SNED1: variants seen among roughly 807,000 people sequenced by gnomAD.
SNED1 encodes sushi, nidogen and EGF-like domain-containing protein 1.
A neutral mutation model predicts 166.7 loss-of-function variants in SNED1; 81 were observed. That is an observed-to-expected ratio of 0.49 (90% CI 0.41 to 0.58). SNED1 has a LOEUF of 0.58. SNED1 is among the 20% of genes least tolerant of loss of function. The probability of loss-of-function intolerance (pLI) is 0.00; values close to 1 mark genes in which losing one functional copy is unlikely to be tolerated. For missense variants in SNED1, 1,604 were observed against 2,000.2 expected (o/e 0.80, Z 3.78); for synonymous variants, 762 against 822.0 (o/e 0.93, Z 1.25).
chr2:241,092,218 C>A lies in SNED1; in HGVS notation c.*582C>A, dbSNP rs933399205. The A allele has an allele frequency of 6.6e-6, 1 of 152,152 alleles. No individual in the cohort carries two copies. Among genetic ancestry groups the A allele is most frequent in the Non-Finnish European group, 1.5e-5 (1 of 68,048 alleles). 9.4% of individuals were successfully genotyped at this position (152,152 alleles called of 1,614,324 possible). ...TGTTTATGACGCTCGTGCAGGTCGA[C>A]GAGCCATCCTATGGACTAGTTAACA... On this transcript the variant is annotated 3_prime_UTR_variant, in exon 32 of 32. Coordinates refer to ENST00000310397, the MANE Select transcript of SNED1 (RefSeq NM_001080437.3). The surrounding 1 kb of genome is among the most constrained non-coding windows in gnomAD (Gnocchi z 4.6).
intron 6 of SNED1, 59 bp from the exon 7 acceptor site, chr2:241,040,016 G>T: frequency 7.5e-7 from 1 of 1,342,006 alleles, no homozygotes. Context: ...AGGGGTTTCT[G>T]TCCCCTCAGG....
At chr2:241,006,916 G>A (rs1239617564) in intron 1 of SNED1, among the ~76,000 whole-genome samples, 2 of 152,234 alleles carry the variant, frequency 1.3e-5, no homozygotes, top group Admixed American at 6.5e-5. Flanking sequence ...GAAGGATGGA[G>A]ATGGATCAAA....
At position 241,087,402 on chromosome 2, in the gene SNED1, G is replaced by C; in HGVS notation, c.4132G>C (p.Val1378Leu). Residue 1378 changes from valine to leucine, a missense_variant, in exon 30 of 32, where the codon GTC becomes CTC. Physicochemically the swap from Val to Leu is conservative, Grantham distance 32 (BLOSUM62 1). Transcript: ENST00000310397. ...TTCTTGTGACAACAGGTATAAAAGA[G>C]TCTACCGAGTTCACCAAGACATCTG... Reference protein sequence around the residue: ...GGVCHHVYKRVYRVHQDICFK... With the variant: ...GGVCHHVYKRLYRVHQDICFK... The C allele has an allele frequency of 6.3e-7, 1 of 1,599,396 alleles. No homozygotes were observed. Among genetic ancestry groups the C allele is most frequent in the Non-Finnish European group, 8.5e-7 (1 of 1,172,988 alleles).
Position 241,040,371 on chromosome 2 carries a change from T to C in SNED1, c.1231T>C (p.Cys411Arg). 6.2e-7 allele frequency: 1 copy of C among 1,607,922 alleles called. No individual in the cohort carries two copies. The highest frequency in any genetic ancestry group is 8.5e-7 in the Non-Finnish European group (1 of 1,177,234). The part of the protein sequence containing the change: ...SCVDLVGNYT[C>R]LCAEPFKGLR... ...TGTTGACCTAGTGGGGAATTACACCTGCTTGTGTGCCGAGCCCTTCAAGGG... is the reference window on the plus strand; with the variant it reads ...TGTTGACCTAGTGGGGAATTACACCCGCTTGTGTGCCGAGCCCTTCAAGGG... Residue 411 changes from cysteine (C) to arginine (R), a missense_variant, in exon 8 of 32, where the codon TGC (cysteine) becomes CGC (arginine). Cys to Arg is a radical substitution (Grantham distance 180, BLOSUM62 -3). This residue lies in a region of SNED1 where 1,237 missense variants were observed against 1,620.8 expected (regional missense o/e 0.76). Transcript: ENST00000310397.
Position 240,998,816 on chromosome 2 carries a change from G to C in SNED1, c.-22G>C. 1 of 1,165,216 alleles carries C rather than the reference G, an allele frequency of 8.6e-7. No homozygotes were observed. Among genetic ancestry groups the C allele is most frequent in the Non-Finnish European group, 1.1e-6 (1 of 944,444 alleles). 72.2% of individuals were successfully genotyped at this position (1,165,216 alleles called of 1,614,324 possible). A position where few individuals can be genotyped will look rare whatever the true frequency, so the allele number is the denominator to read the frequency against. On this transcript the variant is annotated 5_prime_UTR_variant, in exon 1 of 32. Transcript: ENST00000310397. ...CAGCGCCCTGCTCCGCCAGCGCCCC[G>C]TCCCGCCCGCACACCTCCGCGATGC...
At chr2:241,011,549 C>T (rs527960086) in intron 1 of SNED1, among the ~76,000 whole-genome samples, 5 of 152,340 alleles carry the variant, frequency 3.3e-5, no homozygotes, top group East Asian at 1.9e-4. Context: ...TGAACAGGGG[C>T]GTCGGCTGGG....
chr2:241,054,127 GGATTTCAAGCCCCAGGT>G (rs2061967854), intron 16 of SNED1, among the ~76,000 whole-genome samples: 1 of 94,066 alleles, frequency 1.1e-5, no homozygotes, highest in South Asian at 3.7e-4. Flanking sequence ...TTTCCTTCTG[GGATTTCAAGCCCCAGGT>G]GAGCTCCTGA....
chr2:241,083,331 A>G (rs2063421285), intron 29 of SNED1, among the ~76,000 whole-genome samples: 1 of 152,182 alleles, frequency 6.6e-6, no homozygotes, highest in African/African-American at 2.4e-5. Context: ...GGTGAGGGAC[A>G]GGGAACCCTC....
intron 27 of SNED1, among the ~76,000 whole-genome samples, chr2:241,076,193 T>C (rs2063012220): frequency 6.6e-6 from 1 of 152,248 alleles, no homozygotes; most frequent in South Asian, 2.1e-4. Flanking sequence ...GAGATAATGA[T>C]GACTGGGTGT....
Position 241,071,877 on chromosome 2 carries a change from A to C in SNED1, c.3816A>C (p.Ser1272=). ...CCAGCAAAGCAGCCACCGTGAGATC[A>C]CGTGAGTGCCAGGGCCTCCCCACCC... ...GSPSKAATVR[S]QPTASAQLEN... The change falls in exon 26 of 32, where the codon TCA becomes TCC. Residue 1272 remains serine (S), a splice_region_variant and synonymous_variant. Transcript: ENST00000310397. The C allele has an allele frequency of 1.3e-6, 2 of 1,599,482 alleles. No individual in the cohort carries two copies. The highest frequency in any genetic ancestry group is 2.3e-5 in the South Asian group (2 of 88,132).
chr2:241,032,505 G>GGGGGAA (rs2061215423), intron 2 of SNED1, among the ~76,000 whole-genome samples: 1 of 151,532 alleles, frequency 6.6e-6, no homozygotes, highest in East Asian at 1.9e-4. Flanking sequence ...GGTCGGGGGA[G>GGGGGAA]GGATAGCATT....
chr2:241,076,445 ATATT>A (rs1312406443), intron 27 of SNED1, among the ~76,000 whole-genome samples: 12 of 152,218 alleles, frequency 7.9e-5, no homozygotes, highest in African/African-American at 2.4e-5. Flanking sequence ...TGGAGTATAG[ATATT>A]TATTTGACCT....
Position 241,070,147 on chromosome 2 carries a change from A to G in SNED1, c.3535A>G (p.Ser1179Gly). 2.5e-6 allele frequency: 4 copies of G among 1,610,622 alleles called. No individual in the cohort carries two copies. The highest frequency in any genetic ancestry group is 3.4e-6 in the Non-Finnish European group (4 of 1,179,446). ...CCAGCTCTCTGTGATAGCAGTGCAGAGCACGGAGCTCGGGCCGCAGCACAG... is the reference window on the plus strand; with the variant it reads ...CCAGCTCTCTGTGATAGCAGTGCAGGGCACGGAGCTCGGGCCGCAGCACAG... ...RYQLSVIAVQSTELGPQHSEP... is the reference protein window; with the variant it reads ...RYQLSVIAVQGTELGPQHSEP... The change falls in exon 24 of 32, where the codon AGC becomes GGC. Residue 1179 changes from serine (S) to glycine (G), a missense_variant. Transcript: ENST00000310397.
Position 241,016,288 on chromosome 2 carries a change from G to A in SNED1, c.214-13996G>A, listed in dbSNP as rs551071324. 4.1e-4 allele frequency among the ~76,000 whole-genome samples: 59 copies of A among 145,302 alleles called. 1 individual carries two copies. Among genetic ancestry groups the A allele is most frequent in the Middle Eastern group, 3.9e-3 (1 of 256 alleles). On this transcript the variant is annotated intron_variant, in intron 1 of 31. Transcript: ENST00000310397. Reference sequence around the variant, plus strand: ...TGGCTCACTGCAAGCTCCACCACCCGGGGTTCACGCTATTCTCCTGCCTTA... The same window carrying A: ...TGGCTCACTGCAAGCTCCACCACCCAGGGTTCACGCTATTCTCCTGCCTTA...
chr2:241,094,370 A>C lies in SNED1; in HGVS notation c.*2734A>C, dbSNP rs1242770185. The stretch of plus-strand genomic sequence containing the variant: ...TGTGGCGATGTGGACGGAGTCACCG[A>C]GCTGCTTTTCTTTTGCAAAACAAAA... On this transcript the variant is annotated 3_prime_UTR_variant, in exon 32 of 32. Transcript: ENST00000310397. This position sits in a 1 kb window ranked among gnomAD's most constrained non-coding sequence, Gnocchi z 4.3. 5 of 470,706 alleles carry C rather than the reference A, an allele frequency of 1.1e-5. No homozygotes were observed. The highest frequency in any genetic ancestry group is 2.2e-5 in the Non-Finnish European group (5 of 227,032). 29.2% of individuals were successfully genotyped at this position (470,706 alleles called of 1,614,324 possible). A position where few individuals can be genotyped will look rare whatever the true frequency, so the allele number is the denominator to read the frequency against.
intron 1 of SNED1, among the ~76,000 whole-genome samples, chr2:241,021,615 T>C (rs2060776490): frequency 6.6e-6 from 1 of 152,254 alleles, no homozygotes; most frequent in African/African-American, 2.4e-5. Context: ...GGATCAGAAC[T>C]TCATTTCTTT....
chr2:241,017,042 G>A (rs2060620050), intron 1 of SNED1, among the ~76,000 whole-genome samples: 1 of 151,662 alleles, frequency 6.6e-6, no homozygotes, highest in South Asian at 2.1e-4. Flanking sequence ...GTAGAGACGG[G>A]GTTTCTCCAT....
At chr2:241,014,543 C>T (rs1319123757) in intron 1 of SNED1, among the ~76,000 whole-genome samples, 4 of 152,224 alleles carry the variant, frequency 2.6e-5, no homozygotes, top group East Asian at 3.8e-4. Flanking sequence ...CATATGTTCA[C>T]TTACCATTGG....
chr2:241,060,477 C>A (rs984132271), intron 16 of SNED1, among the ~76,000 whole-genome samples: 1 of 152,102 alleles, frequency 6.6e-6, no homozygotes, highest in South Asian at 2.1e-4. Flanking sequence ...CCACCATGCC[C>A]GTCCCTAACT....
Sources: allele counts gnomAD v4.1 joint callset (sites outside exome capture counted in the v4.1 genomes callset), GRCh38; gene constraint gnomAD v4.1.1; regional missense constraint gnomAD v4.1.1; non-coding constraint Gnocchi (gnomAD v3.1); transcripts MANE v1.5; gene names NCBI Gene and HGNC (gene_info 2026-07-23, HGNC 2026-07-21).